ARID3A: variants seen among roughly 807,000 people sequenced by gnomAD.
ARID3A encodes the protein AT-rich interactive domain-containing protein 3A.
A neutral mutation model predicts 52.7 loss-of-function variants in ARID3A; 11 were observed. The ratio of observed to expected loss-of-function variants is 0.21; its 90% CI spans 0.13 to 0.35. The LOEUF is 0.35. ARID3A is among the 10% of genes least tolerant of loss of function. The probability of loss-of-function intolerance (pLI) is 1.00; values close to 1 mark genes in which losing one functional copy is unlikely to be tolerated. For missense variants in ARID3A, 721 were observed against 838.5 expected, an observed-to-expected ratio of 0.86 and a Z score of 1.73; for synonymous variants, 404 against 359.4, an observed-to-expected ratio of 1.12 and a Z score of -1.40.
At chr19:943,450 C>T (rs2037600706) in intron 3 of ARID3A, among the ~76,000 whole-genome samples, 1 of 151,884 alleles carries the variant, frequency 6.6e-6, no homozygotes, top group South Asian at 2.1e-4. Flanking sequence ...TGCCTGTAAT[C>T]CCAGCTACTT....
intron 3 of ARID3A, among the ~76,000 whole-genome samples, chr19:953,456 AC>A (rs1050650837): frequency 1.5e-5 from 2 of 136,768 alleles, no homozygotes; most frequent in Admixed American, 1.4e-4. Flanking sequence ...GGCACCTCCC[AC>A]CCCCCCAGGC....
In ARID3A at chr19:953,801, TG is replaced by T. The variant is rs1422994265; in HGVS notation, c.694-6286del. Among the ~76,000 whole-genome samples, 4 of 151,616 alleles carry T rather than the reference TG, an allele frequency of 2.6e-5. No homozygotes were observed. In the East Asian group the frequency reaches 7.7e-4, roughly 29 times the overall value. ...CATAGAAAGACGCCAAGGCTGGGTC[TG>T]GGGGCTCCTGCCTGTAATCCCAGCG... On this transcript the variant is annotated intron_variant, in intron 3 of 8. Transcript: ENST00000263620.
At chr19:936,870 C>G (rs1008229415) in intron 3 of ARID3A, among the ~76,000 whole-genome samples, 3 of 151,260 alleles carry the variant, frequency 2.0e-5, no homozygotes, top group Admixed American at 1.3e-4. Flanking sequence ...AAACCCTGAC[C>G]CTTTAACTAT....
chr19:929,462 G>A lies in ARID3A; in HGVS notation c.-67G>A, dbSNP rs550769494. The A allele has an allele frequency of 4.9e-5, 49 of 1,007,930 alleles. No homozygotes were observed. Among genetic ancestry groups the A allele is most frequent in the Admixed American group, 4.1e-4 (11 of 26,872 alleles). 62.4% of individuals were successfully genotyped at this position (1,007,930 alleles called of 1,614,324 possible). On this transcript the variant is annotated 5_prime_UTR_variant, in exon 2 of 9. Coordinates refer to ENST00000263620, the MANE Select transcript of ARID3A (RefSeq NM_005224.3). This position sits in a 1 kb window ranked among gnomAD's most constrained non-coding sequence, Gnocchi z 6.2. ...CCCCCTCCCCGCAGGGGCCGCCCCC[G>A]CCGCCCACCCCTAGCGCCCGTGGTG...
Position 964,481 on chromosome 19 carries a change from C to T in ARID3A, c.950+50C>T. On this transcript the variant is annotated intron_variant, in intron 5 of 8. Coordinates refer to ENST00000263620, the MANE Select transcript of ARID3A (RefSeq NM_005224.3). This position sits in a 1 kb window ranked among gnomAD's most constrained non-coding sequence, Gnocchi z 5.7. ...GGTCGGGCCAGGGCACTCTGAGCAGCCAGTGCAAGGGGCCTGCAGAAGAGG... is the reference window on the plus strand; with the variant it reads ...GGTCGGGCCAGGGCACTCTGAGCAGTCAGTGCAAGGGGCCTGCAGAAGAGG... The T allele has an allele frequency of 1.3e-6, 2 of 1,522,272 alleles. No individual in the cohort carries two copies. Among genetic ancestry groups the T allele is most frequent in the South Asian group, 1.2e-5 (1 of 80,126 alleles). 94.3% of individuals were successfully genotyped at this position (1,522,272 alleles called of 1,614,324 possible). A position where few individuals can be genotyped will look rare whatever the true frequency, so the allele number is the denominator to read the frequency against.
intron 3 of ARID3A, among the ~76,000 whole-genome samples, chr19:935,858 G>T (rs113430535): frequency 0.094 from 14,328 of 152,112 alleles, 769 homozygotes; most frequent in African/African-American, 0.15. Flanking sequence ...TGGCGCGATC[G>T]CGGCTCACTG....
rs1217237332 is a variant in ARID3A at position 941,233 on chromosome 19, C to T, written c.693+8491C>T. Among the ~76,000 whole-genome samples the T allele has an allele frequency of 1.3e-5, 2 of 152,222 alleles. No individual in the cohort carries two copies. The highest frequency in any genetic ancestry group is 2.9e-5 in the Non-Finnish European group (2 of 68,030). On this transcript the variant is annotated intron_variant, in intron 3 of 8. Coordinates refer to ENST00000263620, the MANE Select transcript of ARID3A (RefSeq NM_005224.3). This position sits in a 1 kb window ranked among gnomAD's most constrained non-coding sequence, Gnocchi z 6.9. ...GCGGGGGAATGGGCGTGGTGAGCCG[C>T]CGTGGCGTGCGTGCGAGTGTGCACG...
chr19:958,632 G>A (rs990154656), intron 3 of ARID3A, among the ~76,000 whole-genome samples: 4 of 152,012 alleles, frequency 2.6e-5, no homozygotes, highest in Non-Finnish European at 5.9e-5. Context: ...AGTGGCTCAC[G>A]CCTGTAATCC....
At chr19:948,763 G>A (rs1439834527) in intron 3 of ARID3A, among the ~76,000 whole-genome samples, 5 of 142,756 alleles carry the variant, frequency 3.5e-5, no homozygotes, top group Admixed American at 1.5e-4. Context: ...AGGCTGGAGT[G>A]CAGTGGCACG....
intron 3 of ARID3A, among the ~76,000 whole-genome samples, chr19:955,153 C>T (rs1229209737): frequency 6.6e-6 from 1 of 152,174 alleles, no homozygotes; most frequent in Non-Finnish European, 1.5e-5. Flanking sequence ...GCAGTTCAAC[C>T]CGGGATCTGG....
Position 974,604 on chromosome 19 carries a change from GC to G in ARID3A, c.*2540del, listed in dbSNP as rs1015053918. On this transcript the variant is annotated 3_prime_UTR_variant, in exon 9 of 9. Transcript: ENST00000263620. Reference sequence around the variant, plus strand: ...CCCCGCCTCCCGTGCACCAGGGTCTGCAGCAGCCACTGGGGCCTGGCTGCCT... The same window carrying G: ...CCCCGCCTCCCGTGCACCAGGGTCTGAGCAGCCACTGGGGCCTGGCTGCCT... 4.3e-6 allele frequency: 1 copy of G among 229,976 alleles called. No homozygotes were observed. Among genetic ancestry groups the G allele is most frequent in the Non-Finnish European group, 8.6e-6 (1 of 116,058 alleles). 14.2% of individuals were successfully genotyped at this position (229,976 alleles called of 1,614,324 possible). A position where few individuals can be genotyped will look rare whatever the true frequency, so the allele number is the denominator to read the frequency against.
chr19:971,642 C>T (rs1001861131), intron 8 of ARID3A, among the ~76,000 whole-genome samples: 2 of 152,070 alleles, frequency 1.3e-5, no homozygotes, highest in South Asian at 2.1e-4. Context: ...AAAAAATTAG[C>T]CAGACATGGT....
intron 3 of ARID3A, among the ~76,000 whole-genome samples, chr19:951,177 A>G (rs998695743): frequency 6.6e-6 from 1 of 151,968 alleles, no homozygotes; most frequent in Non-Finnish European, 1.5e-5. Context: ...GGCTGATCTC[A>G]AACTCCTGGG....
At chr19:951,243 C>A (rs2037797532) in intron 3 of ARID3A, among the ~76,000 whole-genome samples, 1 of 151,760 alleles carries the variant, frequency 6.6e-6, no homozygotes, top group African/African-American at 2.4e-5. Context: ...AGGCGTGAGC[C>A]ACCACACCCA....
intron 3 of ARID3A, among the ~76,000 whole-genome samples, chr19:950,980 G>A (rs752738103): frequency 6.6e-5 from 10 of 151,876 alleles, no homozygotes; most frequent in Non-Finnish European, 1.3e-4. Flanking sequence ...GCACCACCAC[G>A]CCTGGCCTAT....
At chr19:948,334 C>T (rs146963835) in intron 3 of ARID3A, among the ~76,000 whole-genome samples, 1 of 152,098 alleles carries the variant, frequency 6.6e-6, no homozygotes, top group East Asian at 1.9e-4. Context: ...TGTGGCTGGC[C>T]CTGTGGTCCA....
chr19:950,845 G>A (rs1401414970), intron 3 of ARID3A, among the ~76,000 whole-genome samples: 1 of 151,548 alleles, frequency 6.6e-6, no homozygotes, highest in African/African-American at 2.4e-5. Flanking sequence ...TTTTTGAGGT[G>A]GAGTTTCACT....
At chr19:930,536 T>G (rs1599380643) in intron 2 of ARID3A, among the ~76,000 whole-genome samples, 2 of 138,642 alleles carry the variant, frequency 1.4e-5, no homozygotes, top group East Asian at 2.2e-4. Context: ...TTAGACAGAG[T>G]CTTGCTCTTT....
intron 3 of ARID3A, among the ~76,000 whole-genome samples, chr19:936,303 G>A (rs377255459): frequency 1.3e-5 from 2 of 152,116 alleles, no homozygotes; most frequent in African/African-American, 2.4e-5. Context: ...CTGTGATCCC[G>A]GCACTGTGGG....
Sources: allele counts gnomAD v4.1 joint callset (sites outside exome capture counted in the v4.1 genomes callset), GRCh38; gene constraint gnomAD v4.1.1; non-coding constraint Gnocchi (gnomAD v3.1); transcripts MANE v1.5; gene names NCBI Gene and HGNC (gene_info 2026-07-23, HGNC 2026-07-21).